Variants in SHISAL2B observed in about 807,000 individuals in gnomAD.
SHISAL2B encodes the protein shisa like 2B.
SHISAL2B carries 12 observed loss-of-function variants against 16.5 expected under a neutral mutation model. The observed-to-expected ratio is 0.73, with a 90% CI of 0.47 to 1.18. SHISAL2B has a LOEUF of 1.18. Among genes scored for constraint, SHISAL2B ranks in the 50% most tolerant of loss-of-function variants. SHISAL2B has a pLI of 0.00. For synonymous variants in SHISAL2B, 72 were observed against 75.0 expected (o/e 0.96, Z 0.21); for missense variants, 183 against 193.6 (o/e 0.95, Z 0.33).
chr5:64,695,643 G>A lies in SHISAL2B; in HGVS notation c.328G>A (p.Glu110Lys), dbSNP rs1481012544. Residue 110 changes from glutamate to lysine, a missense_variant, in exon 2 of 3, where the codon GAG becomes AAG. Physicochemically the swap from Glu to Lys is moderately conservative, Grantham distance 56 (BLOSUM62 1). Transcript: ENST00000389074. Reference protein sequence around the residue: ...LDTGLKLQHLEASSTQEGKSN... With the variant: ...LDTGLKLQHLKASSTQEGKSN... ...CACTGGCCTTAAGCTTCAACACTTA[G>A]AGGCTTCTTCCACTCAAGAAGGTAA... 2.2e-5 allele frequency: 34 copies of A among 1,533,492 alleles called. No individual in the cohort carries two copies. Among genetic ancestry groups the A allele is most frequent in the Non-Finnish European group, 2.8e-5 (32 of 1,145,500 alleles). 95.0% of individuals were successfully genotyped at this position (1,533,492 alleles called of 1,614,324 possible).
At chr5:64,702,499 C>CCTAATATAGTTAATTTTTAACTATATTTT (rs1168957539) in intron 2 of SHISAL2B, among the ~76,000 whole-genome samples, 31 of 152,004 alleles carry the variant, frequency 2.0e-4, no homozygotes, top group Non-Finnish European at 3.5e-4. Flanking sequence ...CGCACCTGGC[C>CCTAATATAGTTAATTTTTAACTATATTTT]CTAATATAGT....
rs377183849 is a variant in SHISAL2B at position 64,717,886 on chromosome 5, C to T, written c.350-3C>T. The T allele has an allele frequency of 7.3e-6, 11 of 1,505,964 alleles. No homozygotes were observed. In the African/African-American group the frequency reaches 1.4e-4, roughly 19 times the overall value. 93.3% of individuals were successfully genotyped at this position (1,505,964 alleles called of 1,614,324 possible). ...ATAATTATTTTGTTTTGTGTATCTG[C>T]AGGCAAGTCAAATGGAAAAACCAAA... is the stretch of plus-strand genomic sequence containing the variant. On this transcript the variant is annotated splice_polypyrimidine_tract_variant and splice_region_variant and intron_variant, in intron 2 of 2. Transcript: ENST00000389074.
intron 1 of SHISAL2B, among the ~76,000 whole-genome samples, chr5:64,694,765 T>C (rs1175667130): frequency 6.6e-6 from 1 of 152,214 alleles, no homozygotes; most frequent in East Asian, 1.9e-4. Context: ...GCTTTGTAAA[T>C]CAACAAATGG....
Position 64,690,546 on chromosome 5 carries a change from G to A in SHISAL2B, c.-78G>A, listed in dbSNP as rs989906192. The A allele has an allele frequency of 6.5e-6, 8 of 1,232,700 alleles. No homozygotes were observed. In the African/African-American group the frequency reaches 1.1e-4, roughly 17 times the overall value. The allele number at this position is 1,232,700 out of a possible 1,614,324, so 76.4% of individuals were successfully genotyped here. On this transcript the variant is annotated 5_prime_UTR_variant, in exon 1 of 3. Transcript: ENST00000389074. ...GCCGAGTCCGGGCAGAGGGGTCCGC[G>A]GGCTCTGGAGGTGCTGGACGGGTGC...
intron 2 of SHISAL2B, among the ~76,000 whole-genome samples, chr5:64,715,919 T>A (rs1453520716): frequency 6.6e-6 from 1 of 152,248 alleles, no homozygotes; most frequent in African/African-American, 2.4e-5. Context: ...AAGATGTCTG[T>A]AAGTTTTAGA....
intron 2 of SHISAL2B, among the ~76,000 whole-genome samples, chr5:64,714,641 G>C (rs1051649785): frequency 9.9e-5 from 15 of 152,260 alleles, no homozygotes; most frequent in Admixed American, 4.6e-4. Context: ...CCCCCAGCCT[G>C]GCTGCCGCCT....
chr5:64,714,849 T>G (rs996317792), intron 2 of SHISAL2B, among the ~76,000 whole-genome samples: 1 of 152,160 alleles, frequency 6.6e-6, no homozygotes, highest in Non-Finnish European at 1.5e-5. Context: ...AAGGGAACTC[T>G]CTGACCCCTT....
In SHISAL2B at chr5:64,708,020, A is replaced by C. The variant is rs1741897933; in HGVS notation, c.350-9869A>C. 2.6e-5 allele frequency among the ~76,000 whole-genome samples: 4 copies of C among 152,320 alleles called. No homozygotes were observed. In the South Asian group the frequency reaches 6.2e-4, roughly 24 times the overall value. The stretch of plus-strand genomic sequence containing the variant: ...AGAGGATCAAAACAAGAGAAGTCTT[A>C]GGACAGCCATTATTAAAACCACATT... On this transcript the variant is annotated intron_variant, in intron 2 of 2. Transcript: ENST00000389074.
In SHISAL2B at chr5:64,691,374, A is replaced by AGTGTGTGTGTGTGTGTGTGTGTGT. The variant is rs55773294; in HGVS notation, c.191+565_191+588dup. The AGTGTGTGTGTGTGTGTGTGTGTGT allele has an allele frequency of 6.1e-4, 85 of 140,310 alleles. 1 individual carries two copies. The highest frequency in any genetic ancestry group is 2.3e-3 in the African/African-American group (81 of 35,506). 8.7% of individuals were successfully genotyped at this position (140,310 alleles called of 1,614,324 possible). ...TTTAAAATACATGTATATTTTTAAA[A>AGTGTGTGTGTGTGTGTGTGTGTGT]GTGTGTGTGTGTGTGTGTGTGTGTG... is the stretch of plus-strand genomic sequence containing the variant. On this transcript the variant is annotated intron_variant, in intron 1 of 2. Coordinates refer to ENST00000389074, the MANE Select transcript of SHISAL2B (RefSeq NM_001164442.2).
intron 2 of SHISAL2B, among the ~76,000 whole-genome samples, chr5:64,714,581 C>T (rs1445579532): frequency 1.3e-5 from 2 of 152,012 alleles, no homozygotes; most frequent in African/African-American, 2.4e-5. Context: ...GTTCGAGCTT[C>T]CCGGCTGCTT....
intron 2 of SHISAL2B, among the ~76,000 whole-genome samples, chr5:64,699,231 C>T (rs951175042): frequency 1.1e-4 from 17 of 152,156 alleles, no homozygotes; most frequent in African/African-American, 3.9e-4. Flanking sequence ...CAAGATTTTA[C>T]GTGATCAGTG....
In SHISAL2B at chr5:64,715,832, AG is replaced by A. The variant is rs1372559329; in HGVS notation, c.350-2055del. Among the ~76,000 whole-genome samples the A allele has an allele frequency of 2.0e-5, 3 of 152,204 alleles. No individual in the cohort carries two copies. The East Asian group carries it at 5.8e-4, about 29-fold the overall frequency. ...AAGTTAAATGGCTGCATGATATCTC[AG>A]GCATGATATTTAGCAATTCTATCAT... On this transcript the variant is annotated intron_variant, in intron 2 of 2. Coordinates refer to ENST00000389074, the MANE Select transcript of SHISAL2B (RefSeq NM_001164442.2).
At position 64,718,134 on chromosome 5, in the gene SHISAL2B, A is replaced by G; in HGVS notation, c.*112A>G. ...TTCAAAAATTCGTCACTCACAAAGC[A>G]AGACACAGCTGCATTTTTGATCATT... is the stretch of plus-strand genomic sequence containing the variant. On this transcript the variant is annotated 3_prime_UTR_variant, in exon 3 of 3. Coordinates refer to ENST00000389074, the MANE Select transcript of SHISAL2B (RefSeq NM_001164442.2). 1 of 827,254 alleles carries G rather than the reference A, an allele frequency of 1.2e-6. No homozygotes were observed. Among genetic ancestry groups the G allele is most frequent in the Admixed American group, 3.9e-5 (1 of 25,748 alleles). The allele number at this position is 827,254 out of a possible 1,614,324, so 51.2% of individuals were successfully genotyped here.
Position 64,690,754 on chromosome 5 carries a change from A to G in SHISAL2B, c.131A>G (p.Tyr44Cys), listed in dbSNP as rs1300137825. The change falls in exon 1 of 3, where the codon TAC becomes TGC. Residue 44 changes from tyrosine to cysteine, a missense_variant. Coordinates refer to ENST00000389074, the MANE Select transcript of SHISAL2B (RefSeq NM_001164442.2). ...QYCCGFADLK[Y>C]CCSEPGSYFP... The stretch of plus-strand genomic sequence containing the variant: ...TGCTGCGGCTTCGCCGACCTCAAGT[A>G]CTGCTGCAGCGAGCCGGGCAGCTAC... 6.5e-7 allele frequency: 1 copy of G among 1,542,800 alleles called. No homozygotes were observed.
chr5:64,693,847 A>T (rs1741690452), intron 1 of SHISAL2B, among the ~76,000 whole-genome samples: 2 of 152,186 alleles, frequency 1.3e-5, no homozygotes, highest in Non-Finnish European at 2.9e-5. Flanking sequence ...GCCTTCACTC[A>T]TCTACAGGGC....
chr5:64,702,953 A>G (rs1741829595), intron 2 of SHISAL2B, among the ~76,000 whole-genome samples: 1 of 152,228 alleles, frequency 6.6e-6, no homozygotes, highest in Admixed American at 6.5e-5. Flanking sequence ...CTAATAATAT[A>G]CTTTAAGAAT....
intron 2 of SHISAL2B, among the ~76,000 whole-genome samples, chr5:64,707,035 C>CT (rs1741884476): frequency 6.6e-6 from 1 of 152,060 alleles, no homozygotes; most frequent in South Asian, 2.1e-4. Context: ...AACAGGTGTA[C>CT]TATAGCTCAT....
intron 2 of SHISAL2B, among the ~76,000 whole-genome samples, chr5:64,707,417 G>A (rs575314515): frequency 1.3e-5 from 2 of 152,176 alleles, no homozygotes; most frequent in East Asian, 3.9e-4. Flanking sequence ...CCCTCTACGG[G>A]GACCGTGAGG....
Position 64,711,351 on chromosome 5 carries a change from C to T in SHISAL2B, c.350-6538C>T, listed in dbSNP as rs894746898. 3.1e-4 allele frequency among the ~76,000 whole-genome samples: 46 copies of T among 149,730 alleles called. 1 individual carries two copies. The Middle Eastern group carries it at 0.024, about 77-fold the overall frequency. On this transcript the variant is annotated intron_variant, in intron 2 of 2. Transcript: ENST00000389074. ...ATGCTGGATTACATTTATTGATTTG[C>T]GTATATTGAACCAGCCTTGCATCCC...
Sources: allele counts gnomAD v4.1 joint callset (sites outside exome capture counted in the v4.1 genomes callset), GRCh38; gene constraint gnomAD v4.1.1; transcripts MANE v1.5; gene names NCBI Gene and HGNC (gene_info 2026-07-23, HGNC 2026-07-21).